The following NAALADL2 variants were observed in gnomAD, a reference collection of about 807,000 sequenced individuals.
The protein encoded by NAALADL2 is N-acetylated alpha-linked acidic dipeptidase like 2.
NAALADL2 carries 76 observed loss-of-function variants against 87.2 expected under a neutral mutation model. The observed-to-expected ratio is 0.87, with a 90% CI of 0.72 to 1.05. The LOEUF (loss-of-function observed/expected upper bound fraction) is 1.05, where lower values mean the gene tolerates loss of function less well. NAALADL2 is among the 50% of genes least tolerant of loss of function. The pLI is 0.00. For missense variants in NAALADL2, 1,089 were observed against 945.8 expected, an observed-to-expected ratio of 1.15 and a Z score of -1.99; for synonymous variants, 354 against 331.0, an observed-to-expected ratio of 1.07 and a Z score of -0.75.
At chr3:174,916,095 A>G (rs1465923859) in intron 1 of NAALADL2, among the ~76,000 whole-genome samples, 1 of 152,118 alleles carries the variant, frequency 6.6e-6, no homozygotes, top group Non-Finnish European at 1.5e-5. Context: ...AAGGTATACA[A>G]ACAGCCAACA....
intron 2 of NAALADL2, among the ~76,000 whole-genome samples, chr3:174,627,415 T>C (rs1012529359): frequency 6.6e-6 from 1 of 152,162 alleles, no homozygotes; most frequent in Non-Finnish European, 1.5e-5. Flanking sequence ...ATGCCTATTA[T>C]TGAAAAGTCA....
At chr3:175,097,489 G>A (rs938041173) in intron 2 of NAALADL2, among the ~76,000 whole-genome samples, 198 bp downstream of exon 2, 6 of 152,082 alleles carry the variant, frequency 3.9e-5, no homozygotes, top group African/African-American at 1.4e-4. Flanking sequence ...AATTTGTGAT[G>A]CAGTTTTATT....
intron 2 of NAALADL2, among the ~76,000 whole-genome samples, chr3:174,655,073 G>T (rs1483343455): frequency 6.6e-6 from 1 of 152,070 alleles, no homozygotes; most frequent in Non-Finnish European, 1.5e-5. Flanking sequence ...TTGTACTGCA[G>T]TGTGACTGCA....
intron 11 of NAALADL2, among the ~76,000 whole-genome samples, chr3:175,682,870 C>G (rs1315102907): frequency 6.6e-6 from 1 of 151,966 alleles, no homozygotes; most frequent in South Asian, 2.1e-4. Flanking sequence ...AAAAAAGTTA[C>G]AGTTTGTTTA....
chr3:174,520,160 A>G (rs759661757), intron 1 of NAALADL2, among the ~76,000 whole-genome samples: 15 of 152,206 alleles, frequency 9.9e-5, no homozygotes, highest in Non-Finnish European at 2.1e-4. Context: ...TACAGATGCA[A>G]TGCAATTCCT....
intron 4 of NAALADL2, among the ~76,000 whole-genome samples, chr3:175,269,710 A>G (rs1019024049): frequency 3.3e-5 from 5 of 152,200 alleles, no homozygotes; most frequent in Non-Finnish European, 1.5e-5. Context: ...GTCTTATCCA[A>G]TGTTGTACAT....
In NAALADL2 at chr3:175,560,849, T is replaced by C. The variant is rs141918063; in HGVS notation, c.1654-15192T>C. Among the ~76,000 whole-genome samples the C allele has an allele frequency of 3.8e-3, 580 of 152,296 alleles. 3 individuals carry two copies. The highest frequency in any genetic ancestry group is 0.024 in the Middle Eastern group (7 of 294). On this transcript the variant is annotated intron_variant, in intron 9 of 13. Transcript: ENST00000454872. ...GTTGGCCAGGATGGTCTCTATCTCT[T>C]GACCTCATGATCCACCCACCTTGGC...
At chr3:174,578,423 T>C (rs1674279432) in intron 2 of NAALADL2, among the ~76,000 whole-genome samples, 1 of 152,010 alleles carries the variant, frequency 6.6e-6, no homozygotes, top group Non-Finnish European at 1.5e-5. Context: ...TATCACTGAC[T>C]TTTTATCAGA....
chr3:174,837,354 A>G (rs576262548), intron 3 of NAALADL2, among the ~76,000 whole-genome samples: 4 of 152,356 alleles, frequency 2.6e-5, no homozygotes, highest in East Asian at 3.9e-4. Context: ...GTTCAAGGCT[A>G]CTGTGAACAC....
chr3:175,222,134 G>C (rs914809300), intron 2 of NAALADL2, among the ~76,000 whole-genome samples: 2 of 152,104 alleles, frequency 1.3e-5, no homozygotes, highest in African/African-American at 4.8e-5. Context: ...AAATGTACTT[G>C]GCACAGTGTA....
chr3:174,793,175 A>C (rs1176649074), intron 3 of NAALADL2, among the ~76,000 whole-genome samples: 1 of 152,078 alleles, frequency 6.6e-6, no homozygotes, highest in Non-Finnish European at 1.5e-5. Context: ...GTTTTGTTCT[A>C]TTCTTTTATG....
At chr3:175,768,463 T>G (rs2150170257) in intron 13 of NAALADL2, among the ~76,000 whole-genome samples, 1 of 152,334 alleles carries the variant, frequency 6.6e-6, no homozygotes, top group South Asian at 2.1e-4. Flanking sequence ...TTCTTCAAAG[T>G]TACCAGAGAT....
chr3:174,769,454 T>G (rs1714255054), intron 3 of NAALADL2, among the ~76,000 whole-genome samples: 1 of 152,020 alleles, frequency 6.6e-6, no homozygotes, highest in African/African-American at 2.4e-5. Context: ...AATATGTATT[T>G]AAGTAATTAT....
intron 11 of NAALADL2, among the ~76,000 whole-genome samples, chr3:175,722,949 T>G (rs931102584): frequency 7.2e-5 from 11 of 152,142 alleles, no homozygotes; most frequent in African/African-American, 2.7e-4. Context: ...GTTTCTAATT[T>G]TCCTGAGGAT....
intron 1 of NAALADL2, among the ~76,000 whole-genome samples, chr3:174,480,665 C>T (rs1038463336): frequency 6.6e-6 from 1 of 152,070 alleles, no homozygotes; most frequent in Non-Finnish European, 1.5e-5. Context: ...TTATTCCTTA[C>T]TCTTCACAGT....
At chr3:174,848,703 T>G (rs1724908564) in intron 3 of NAALADL2, among the ~76,000 whole-genome samples, 1 of 152,216 alleles carries the variant, frequency 6.6e-6, no homozygotes, top group African/African-American at 2.4e-5. Context: ...TTGTAATGTG[T>G]GTTTTAAACT....
At chr3:175,558,593 T>A (rs1715744563) in intron 9 of NAALADL2, among the ~76,000 whole-genome samples, 1 of 152,210 alleles carries the variant, frequency 6.6e-6, no homozygotes, top group African/African-American at 2.4e-5. Flanking sequence ...TGAATTTGAT[T>A]TTTGTATATG....
chr3:175,619,744 A>G (rs888105714), intron 10 of NAALADL2, among the ~76,000 whole-genome samples: 19 of 152,292 alleles, frequency 1.2e-4, no homozygotes, highest in African/African-American at 3.6e-4. Context: ...CCTAACAGCC[A>G]TAAAGGAAAG....
chr3:175,487,204 C>G (rs775319902), intron 9 of NAALADL2, among the ~76,000 whole-genome samples: 9 of 152,150 alleles, frequency 5.9e-5, no homozygotes, highest in African/African-American at 2.2e-4. Flanking sequence ...GCGAGACCCA[C>G]CTCATCTACC....
Sources: allele counts gnomAD v4.1 joint callset (sites outside exome capture counted in the v4.1 genomes callset), GRCh38; gene constraint gnomAD v4.1.1; transcripts MANE v1.5; gene names NCBI Gene and HGNC (gene_info 2026-07-23, HGNC 2026-07-21).